OXCT1: variants seen among roughly 807,000 people sequenced by gnomAD.
OXCT1 encodes 3-oxoacid CoA-transferase 1.
A neutral mutation model predicts 69.6 loss-of-function variants in OXCT1; 27 were observed. The observed-to-expected ratio is 0.39, with a 90% CI of 0.29 to 0.54. The LOEUF (loss-of-function observed/expected upper bound fraction) is 0.54. OXCT1 is among the 20% of genes least tolerant of loss of function. The pLI is 0.72. For synonymous variants in OXCT1, 202 were observed against 217.8 expected (o/e 0.93, Z 0.64); for missense variants, 437 against 650.2 (o/e 0.67, Z 3.57).
intron 7 of OXCT1, among the ~76,000 whole-genome samples, chr5:41,837,096 G>A (rs1473013374): frequency 6.6e-6 from 1 of 152,052 alleles, no homozygotes; most frequent in Non-Finnish European, 1.5e-5. Context: ...AATTTAAGAT[G>A]CCTAAGGGAA....
chr5:41,738,462 ACT>A (rs930021988), intron 16 of OXCT1, among the ~76,000 whole-genome samples: 2 of 151,758 alleles, frequency 1.3e-5, no homozygotes, highest in African/African-American at 4.8e-5. Context: ...CCCTGCACAC[ACT>A]CTCTTGCTTG....
Position 41,807,350 on chromosome 5 carries a change from T to C in OXCT1, c.821A>G (p.Lys274Arg), listed in dbSNP as rs1746732303. The C allele has an allele frequency of 6.4e-7, 1 of 1,573,158 alleles. No homozygotes were observed. Among genetic ancestry groups the C allele is most frequent in the Non-Finnish European group, 8.7e-7 (1 of 1,143,446 alleles). Reference protein sequence around the residue: ...IYVHRLIKGEKYEKRIERLSI... With the variant: ...IYVHRLIKGERYEKRIERLSI... The stretch of plus-strand genomic sequence containing the variant: ...AATTACCTCAATTCTTTTCTCATAT[T>C]TTTCTCCCTTTATAAGGCGATGTAC... Residue 274 changes from lysine to arginine, a missense_variant, in exon 8 of 17, where the codon AAA (lysine) becomes AGA (arginine). Around this residue, in one of 4 missense-constraint regions of OXCT1, gnomAD observed 252 missense variants for 397.4 expected, o/e 0.63. Transcript: ENST00000196371.
At chr5:41,778,099 ATTTAC>A (rs1478042358) in intron 13 of OXCT1, among the ~76,000 whole-genome samples, 3 of 152,208 alleles carry the variant, frequency 2.0e-5, no homozygotes, top group South Asian at 2.1e-4. Context: ...TGCAGAAGCT[ATTTAC>A]TTTAATTATG....
At chr5:41,807,917 T>C (rs1423970550) in intron 7 of OXCT1, among the ~76,000 whole-genome samples, 4 of 152,096 alleles carry the variant, frequency 2.6e-5, no homozygotes, top group African/African-American at 9.6e-5. Context: ...TTTGTAACAG[T>C]TGTAAATTAT....
intron 5 of OXCT1, among the ~76,000 whole-genome samples, chr5:41,844,678 G>A (rs377267143): frequency 5.3e-5 from 8 of 152,020 alleles, no homozygotes; most frequent in African/African-American, 1.2e-4. Context: ...TCTAATGAAC[G>A]TCTCCAATGC....
chr5:41,870,011 C>CGTA lies in OXCT1; in HGVS notation c.78+269_78+270insTAC. The CGTA allele has an allele frequency of 2.0e-6, 1 of 497,924 alleles. No homozygotes were observed. Among genetic ancestry groups the CGTA allele is most frequent in the South Asian group, 2.0e-5 (1 of 49,028 alleles). The allele number at this position is 497,924 out of a possible 1,614,324, so 30.8% of individuals were successfully genotyped here. On this transcript the variant is annotated intron_variant, in intron 1 of 16. Transcript: ENST00000196371. This position sits in a 1 kb window ranked among gnomAD's most constrained non-coding sequence, Gnocchi z 4.2. Reference sequence around the variant, plus strand: ...GGGCTCGGGAGCGCTGCCAGGAGTCCTCCCGCCCCTTCTCAGCCTCTCCGC... The same window carrying CGTA: ...GGGCTCGGGAGCGCTGCCAGGAGTCCGTATCCCGCCCCTTCTCAGCCTCTCCGC...
At chr5:41,803,047 A>C in intron 10 of OXCT1, 22 bp downstream of exon 10, 1 of 1,536,912 alleles carries the variant, frequency 6.5e-7, no homozygotes, top group East Asian at 2.3e-5. Context: ...ACTGGATTTT[A>C]GAAAACAAAT....
chr5:41,755,259 T>G (rs1045716039), intron 14 of OXCT1, among the ~76,000 whole-genome samples: 1 of 152,100 alleles, frequency 6.6e-6, no homozygotes, highest in Non-Finnish European at 1.5e-5. Context: ...GTTGTTGGAC[T>G]GTGTTCTGCT....
In OXCT1 at chr5:41,855,405, T is replaced by C. The variant is rs554617925; in HGVS notation, c.279-1851A>G. Among the ~76,000 whole-genome samples, 3 of 152,348 alleles carry C rather than the reference T, an allele frequency of 2.0e-5. 1 individual carries two copies. Among genetic ancestry groups the C allele is most frequent in the African/African-American group, 4.8e-5 (2 of 41,576 alleles). On this transcript the variant is annotated intron_variant, in intron 3 of 16. Transcript: ENST00000196371. ...ACTGTATTTATGAGATGTTCACTTT[T>C]CTATATTACTCCATACTATGCTTCA...
rs186983697 is a variant in OXCT1, at chr5:41,730,497, A to T, written c.*1232T>A. On this transcript the variant is annotated 3_prime_UTR_variant, in exon 17 of 17. Transcript: ENST00000196371. The stretch of plus-strand genomic sequence containing the variant: ...ATATTTAGGACCAGAGGAATGATAT[A>T]TCGTACTGTACTATGCCTACCTCTG... 6.6e-6 allele frequency: 1 copy of T among 152,226 alleles called. No individual in the cohort carries two copies. 9.4% of individuals were successfully genotyped at this position (152,226 alleles called of 1,614,324 possible).
At chr5:41,731,867 C>G in intron 16 of OXCT1, 97 bp from the exon 17 acceptor site, 1 of 1,394,222 alleles carries the variant, frequency 7.2e-7, no homozygotes, top group Non-Finnish European at 9.9e-7. Context: ...AGGCAACAAG[C>G]AGCCTTGCCA....
chr5:41,766,645 A>G (rs578261762), intron 13 of OXCT1, among the ~76,000 whole-genome samples: 1 of 151,698 alleles, frequency 6.6e-6, no homozygotes, highest in Non-Finnish European at 1.5e-5. Context: ...TAAGGATTTT[A>G]CAAAAAGGAA....
chr5:41,739,973 A>G (rs1439644283), intron 15 of OXCT1, among the ~76,000 whole-genome samples: 1 of 152,122 alleles, frequency 6.6e-6, no homozygotes. Flanking sequence ...ATAAATGCCA[A>G]CTCCCTAATC....
At chr5:41,833,859 G>A (rs191111110) in intron 7 of OXCT1, among the ~76,000 whole-genome samples, 161 of 152,020 alleles carry the variant, frequency 1.1e-3, no homozygotes, top group Non-Finnish European at 1.9e-3. Flanking sequence ...TCAGGAGTTC[G>A]AGACCAACTT....
At position 41,739,498 on chromosome 5, in the gene OXCT1, G is replaced by C. The variant is rs780491910; in HGVS notation, c.1420-7C>G. 9 of 1,584,590 alleles carry C rather than the reference G, an allele frequency of 5.7e-6. 2 individuals are homozygous for C. The South Asian group carries it at 6.6e-5, about 12-fold the overall frequency. ...TGTCCACATCAAACACAGCCTGTCA[G>C]AGTGGGAAGAAAAAGGACAATGACA... On this transcript the variant is annotated splice_region_variant and splice_polypyrimidine_tract_variant and intron_variant, in intron 15 of 16. Transcript: ENST00000196371.
At chr5:41,756,304 G>T (rs1036885017) in intron 14 of OXCT1, among the ~76,000 whole-genome samples, 1 of 152,036 alleles carries the variant, frequency 6.6e-6, no homozygotes, top group African/African-American at 2.4e-5. Context: ...CACGTTTCCC[G>T]TACATGATAT....
At chr5:41,751,785 A>G (rs1743798430) in intron 14 of OXCT1, among the ~76,000 whole-genome samples, 1 of 152,146 alleles carries the variant, frequency 6.6e-6, no homozygotes, top group African/African-American at 2.4e-5. Context: ...TGAAAACACA[A>G]CACAAATTTG....
At chr5:41,781,010 TCTC>T (rs1186785863) in intron 13 of OXCT1, among the ~76,000 whole-genome samples, 1 of 151,980 alleles carries the variant, frequency 6.6e-6, no homozygotes, top group African/African-American at 2.4e-5. Flanking sequence ...GTCACGCCAT[TCTC>T]CTGCCTCAGC....
intron 5 of OXCT1, among the ~76,000 whole-genome samples, chr5:41,848,901 A>C (rs1749050526): frequency 6.6e-6 from 1 of 152,192 alleles, no homozygotes; most frequent in African/African-American, 2.4e-5. Flanking sequence ...AAAACACCAA[A>C]AGCAATGGCA....
Sources: gnomAD v4.1 joint callset for allele counts (sites outside exome capture counted in the v4.1 genomes callset) on GRCh38, gnomAD v4.1.1 for gene constraint, gnomAD v4.1.1 regional missense constraint, Gnocchi (gnomAD v3.1) non-coding constraint, MANE v1.5 for transcripts, NCBI Gene and HGNC (gene_info 2026-07-23, HGNC 2026-07-21) for gene names.